NCKAP5: variants seen among roughly 807,000 people sequenced by gnomAD.
NCKAP5 encodes the protein nck-associated protein 5.
In NCKAP5, 92 loss-of-function variants were observed where a neutral mutation model predicts 167.0. The ratio of observed to expected loss-of-function variants is 0.55; its 90% CI spans 0.47 to 0.66. NCKAP5 has a LOEUF of 0.66. Ranked by LOEUF, NCKAP5 falls within the 30% of genes least tolerant of loss-of-function variation. The pLI is 0.00. For missense variants in NCKAP5, 2,378 were observed against 2,315.0 expected, an observed-to-expected ratio of 1.03 and a Z score of -0.56; for synonymous variants, 891 against 877.4, an observed-to-expected ratio of 1.02 and a Z score of -0.27.
intron 3 of NCKAP5, among the ~76,000 whole-genome samples, chr2:133,407,701 GACA>G (rs1688526936): frequency 6.6e-6 from 1 of 152,176 alleles, no homozygotes; most frequent in South Asian, 2.1e-4. Context: ...TGCCATCTCT[GACA>G]GGGCAAAGCT....
chr2:133,474,975 T>A (rs964917368), intron 3 of NCKAP5, among the ~76,000 whole-genome samples: 2 of 152,124 alleles, frequency 1.3e-5, no homozygotes, highest in African/African-American at 2.4e-5. Context: ...CAAGCCCAGC[T>A]AATTTTTGTA....
At chr2:132,713,308 T>C (rs1416301679) in intron 19 of NCKAP5, among the ~76,000 whole-genome samples, 1 of 152,210 alleles carries the variant, frequency 6.6e-6, no homozygotes, top group African/African-American at 2.4e-5. Flanking sequence ...TGCTGAATAC[T>C]GAAGCATGAA....
intron 7 of NCKAP5, among the ~76,000 whole-genome samples, chr2:132,989,794 T>C (rs1380892272): frequency 6.6e-6 from 1 of 152,186 alleles, no homozygotes; most frequent in Admixed American, 6.5e-5. Context: ...TAATTTATAG[T>C]TCTACCACTT....
Position 132,682,645 on chromosome 2 carries a change from A to C in NCKAP5, c.5714-9340T>G, listed in dbSNP as rs1685381770. ...TCTTTGGTCTAATAATGGCACCTAG[A>C]ACACAAATATCCTGTCAAATTCAGA... On this transcript the variant is annotated intron_variant, in intron 19 of 19. Coordinates refer to ENST00000409261, the MANE Select transcript of NCKAP5 (RefSeq NM_207363.3). Among the ~76,000 whole-genome samples the C allele has an allele frequency of 2.0e-5, 3 of 152,286 alleles. No homozygotes were observed. In the South Asian group the frequency reaches 6.2e-4, roughly 32 times the overall value.
intron 19 of NCKAP5, among the ~76,000 whole-genome samples, chr2:132,691,941 T>C (rs1172445946): frequency 6.6e-6 from 1 of 152,130 alleles, no homozygotes; most frequent in African/African-American, 2.4e-5. Flanking sequence ...GTCAGGTTTA[T>C]TCTCCAAAAT....
intron 6 of NCKAP5, among the ~76,000 whole-genome samples, chr2:133,061,599 C>G (rs747105819): frequency 6.6e-6 from 1 of 152,182 alleles, no homozygotes; most frequent in Non-Finnish European, 1.5e-5. Context: ...AAGAGCACAG[C>G]TAGGACTTGA....
chr2:133,581,016 TA>T, the NCKAP5 span, among the ~76,000 whole-genome samples: 1 of 152,162 alleles, frequency 6.6e-6, no homozygotes, highest in African/African-American at 2.4e-5. Flanking sequence ...CTCATCTTTT[TA>T]ATATGACTTA....
chr2:133,342,756 A>G (rs1371126905), intron 3 of NCKAP5, among the ~76,000 whole-genome samples: 2 of 152,188 alleles, frequency 1.3e-5, no homozygotes, highest in Non-Finnish European at 2.9e-5. Flanking sequence ...AAAAGCACCC[A>G]GAGGTCACTG....
chr2:132,747,177 A>G (rs915377320), intron 16 of NCKAP5, among the ~76,000 whole-genome samples: 2 of 152,086 alleles, frequency 1.3e-5, no homozygotes, highest in Admixed American at 1.3e-4. Flanking sequence ...CTGCCAAAAA[A>G]AAAAAACAAA....
intron 7 of NCKAP5, among the ~76,000 whole-genome samples, chr2:132,982,847 C>A (rs2077181342): frequency 6.6e-6 from 1 of 152,296 alleles, no homozygotes; most frequent in African/African-American, 2.4e-5. Flanking sequence ...AACATGATTT[C>A]TTTCTTTTTT....
chr2:133,052,048 C>T (rs1371926045), intron 6 of NCKAP5, among the ~76,000 whole-genome samples: 1 of 152,138 alleles, frequency 6.6e-6, no homozygotes, highest in Non-Finnish European at 1.5e-5. Context: ...TTTCTCTGTG[C>T]CTACTAGCTA....
chr2:133,435,448 A>C (rs1690414548), intron 3 of NCKAP5, among the ~76,000 whole-genome samples: 1 of 152,240 alleles, frequency 6.6e-6, no homozygotes, highest in Admixed American at 6.5e-5. Context: ...CTAGGCACAC[A>C]GCTCACGTCA....
At chr2:132,842,160 A>G (rs946515146) in intron 11 of NCKAP5, among the ~76,000 whole-genome samples, 6 of 152,068 alleles carry the variant, frequency 3.9e-5, no homozygotes, top group Non-Finnish European at 8.8e-5. Flanking sequence ...CTCTTACATC[A>G]TACACTTCAT....
intron 16 of NCKAP5, among the ~76,000 whole-genome samples, chr2:132,745,489 C>T (rs751476698): frequency 1.3e-5 from 2 of 151,452 alleles, no homozygotes; most frequent in East Asian, 3.9e-4. Context: ...CTACAGATAA[C>T]ACCATATTTG....
chr2:132,970,108 A>G (rs558393026), intron 7 of NCKAP5, among the ~76,000 whole-genome samples: 1 of 152,332 alleles, frequency 6.6e-6, no homozygotes, highest in Admixed American at 6.5e-5. Context: ...ACAGATCACC[A>G]TAGTCCATTT....
chr2:133,330,891 T>C (rs572862234), intron 3 of NCKAP5, among the ~76,000 whole-genome samples: 5 of 152,230 alleles, frequency 3.3e-5, no homozygotes, highest in East Asian at 3.9e-4. Flanking sequence ...AGGGAGACCC[T>C]GTATTAAAAA....
intron 17 of NCKAP5, among the ~76,000 whole-genome samples, chr2:132,730,908 C>A (rs1690938540): frequency 6.6e-6 from 1 of 152,178 alleles, no homozygotes; most frequent in South Asian, 2.1e-4. Context: ...GGGAATAGCC[C>A]AATCACATTT....
intron 8 of NCKAP5, among the ~76,000 whole-genome samples, chr2:132,914,314 C>A (rs915754103): frequency 9.9e-5 from 15 of 150,798 alleles, no homozygotes; most frequent in Non-Finnish European, 1.9e-4. Flanking sequence ...AAAACCTTCC[C>A]ACATGCTCCA....
the NCKAP5 span, among the ~76,000 whole-genome samples, chr2:133,665,866 T>C: frequency 6.6e-6 from 1 of 152,260 alleles, no homozygotes; most frequent in Non-Finnish European, 1.5e-5. Flanking sequence ...TTTCATCTTA[T>C]GAATATAGCA....
Sources: gnomAD v4.1 joint callset for allele counts (sites outside exome capture counted in the v4.1 genomes callset) on GRCh38, gnomAD v4.1.1 for gene constraint, MANE v1.5 for transcripts, NCBI Gene and HGNC (gene_info 2026-07-23, HGNC 2026-07-21) for gene names.